The following DNAAF9 variants were observed in gnomAD, a reference collection of about 807,000 sequenced individuals.
DNAAF9 encodes shulin.
In DNAAF9, 90 loss-of-function variants were observed where a neutral mutation model predicts 167.0. The ratio of observed to expected loss-of-function variants is 0.54; its 90% CI spans 0.45 to 0.64. The LOEUF is 0.64. Ranked by LOEUF, DNAAF9 falls within the 30% of genes least tolerant of loss-of-function variation. The probability of loss-of-function intolerance (pLI) is 0.00; values close to 1 mark genes in which losing one functional copy is unlikely to be tolerated. For synonymous variants in DNAAF9, 491 were observed against 508.8 expected, an observed-to-expected ratio of 0.96 and a Z score of 0.47; for missense variants, 1,315 against 1,442.2, an observed-to-expected ratio of 0.91 and a Z score of 1.43.
chr20:3,315,413 G>C lies in DNAAF9; in HGVS notation c.1591-293C>G, dbSNP rs965939400. On this transcript the variant is annotated intron_variant, in intron 19 of 36. Coordinates refer to ENST00000252032, the MANE Select transcript of DNAAF9 (RefSeq NM_001009984.3). The surrounding 1 kb of genome is among the most constrained non-coding windows in gnomAD (Gnocchi z 4.1). ...ATTTATTTCCTTTGTGAAAACAGAG[G>C]CAGCTTCTCCTTGGCCTAAAGCCTT... Among the ~76,000 whole-genome samples, 1 of 152,224 alleles carries C rather than the reference G, an allele frequency of 6.6e-6. No individual in the cohort carries two copies. The highest frequency in any genetic ancestry group is 6.5e-5 in the Admixed American group (1 of 15,278).
Position 3,374,094 on chromosome 20 carries a change from G to A in DNAAF9, c.566C>T (p.Ala189Val). ...TCCATCCCCTCCAATGCCCTCAAGT[G>A]CAAAGGCCTGTACAATTGGCCATTT... ...VEKWPIVQAF[A>V]LEGIGGDGFF... Residue 189 changes from alanine to valine, a missense_variant, in exon 6 of 37, where the codon GCA (alanine) becomes GTA (valine). Physicochemically the swap from Ala to Val is moderately conservative, Grantham distance 64 (BLOSUM62 0). Transcript: ENST00000252032. 6.2e-7 allele frequency: 1 copy of A among 1,613,576 alleles called. No individual in the cohort carries two copies. The highest frequency in any genetic ancestry group is 8.5e-7 in the Non-Finnish European group (1 of 1,179,564).
rs149423025 is a variant in DNAAF9 at position 3,329,116 on chromosome 20, C to T, written c.1100+1530G>A. 9.0e-3 allele frequency among the ~76,000 whole-genome samples: 1,371 copies of T among 152,096 alleles called. 19 individuals are homozygous for T. Among genetic ancestry groups the T allele is most frequent in the African/African-American group, 0.032 (1,313 of 41,466 alleles). Reference sequence around the variant, plus strand: ...AACTCCTGACCTCATGTGATCCACCCGCCTTGGCCTCCCAAAGTGCTGGGA... The same window carrying T: ...AACTCCTGACCTCATGTGATCCACCTGCCTTGGCCTCCCAAAGTGCTGGGA... On this transcript the variant is annotated intron_variant, in intron 12 of 36. Transcript: ENST00000252032.
intron 10 of DNAAF9, among the ~76,000 whole-genome samples, chr20:3,333,947 C>T (rs1249738337): frequency 6.6e-6 from 1 of 152,106 alleles, no homozygotes; most frequent in African/African-American, 2.4e-5. Context: ...CTGTCTAAAC[C>T]TTGGTGTCAT....
rs764976305 is a variant in DNAAF9 at position 3,315,703 on chromosome 20, A to C, written c.1590+32T>G. On this transcript the variant is annotated intron_variant, in intron 19 of 36. Transcript: ENST00000252032. This position sits in a 1 kb window ranked among gnomAD's most constrained non-coding sequence, Gnocchi z 4.1. Reference sequence around the variant, plus strand: ...ATTGCTTACATTATTTTTTGATATAATGTTCACACTGAGAATAAGAAGGCT... The same window carrying C: ...ATTGCTTACATTATTTTTTGATATACTGTTCACACTGAGAATAAGAAGGCT... 16 of 1,550,280 alleles carry C rather than the reference A, an allele frequency of 1.0e-5. No homozygotes were observed. Among genetic ancestry groups the C allele is most frequent in the South Asian group, 5.6e-5 (5 of 89,876 alleles).
intron 6 of DNAAF9, among the ~76,000 whole-genome samples, chr20:3,364,828 C>A (rs2083408829): frequency 6.6e-6 from 1 of 152,144 alleles, no homozygotes; most frequent in African/African-American, 2.4e-5. Context: ...GCTGACTGAT[C>A]AGGGTGTTGG....
intron 29 of DNAAF9, among the ~76,000 whole-genome samples, chr20:3,278,640 AC>A (rs560093272): frequency 5.8e-4 from 89 of 152,180 alleles, no homozygotes; most frequent in African/African-American, 2.1e-3. Flanking sequence ...AATCAGTTGA[AC>A]CTGGGAGGCA....
rs2069479152 is a variant in DNAAF9, at chr20:3,315,064, A to C, written c.1647T>G (p.Tyr549Ter). Reference sequence around the variant, plus strand: ...CAGGCCAGGACTGTAGATTGCTGGAATAAAGATATGCTCCTTCTCCTCCTG... The same window carrying C: ...CAGGCCAGGACTGTAGATTGCTGGACTAAAGATATGCTCCTTCTCCTCCTG... ...YLTGGEGAYL[Y>*]SSNLQSWPEE... The change falls in exon 20 of 37, where the codon TAT becomes TAG. Residue 549 changes from tyrosine to a stop codon, truncating the protein, a stop_gained. Coordinates refer to ENST00000252032, the MANE Select transcript of DNAAF9 (RefSeq NM_001009984.3). LOFTEE classifies it high-confidence loss of function. This position sits in a 1 kb window ranked among gnomAD's most constrained non-coding sequence, Gnocchi z 4.1. 7 of 1,611,604 alleles carry C rather than the reference A, an allele frequency of 4.3e-6. No individual in the cohort carries two copies. The highest frequency in any genetic ancestry group is 5.9e-6 in the Non-Finnish European group (7 of 1,177,630).
intron 21 of DNAAF9, among the ~76,000 whole-genome samples, chr20:3,299,286 ATC>A (rs2069141519): frequency 1.3e-5 from 2 of 152,120 alleles, no homozygotes; most frequent in African/African-American, 4.8e-5. Context: ...GCACACGGAT[ATC>A]TAGTTTTCCC....
intron 34 of DNAAF9, among the ~76,000 whole-genome samples, chr20:3,255,681 T>C (rs1275818306): frequency 6.6e-6 from 1 of 152,192 alleles, no homozygotes. Context: ...CTAGTGAGCA[T>C]CTGCAGAAGA....
chr20:3,266,982 A>G (rs1260168157), intron 30 of DNAAF9, among the ~76,000 whole-genome samples: 1 of 151,672 alleles, frequency 6.6e-6, no homozygotes, highest in Non-Finnish European at 1.5e-5. Flanking sequence ...CCTCCTGAGT[A>G]ACTGGAATCA....
rs532920937 is a variant in DNAAF9, at chr20:3,313,466, A to G, written c.1678+1567T>C. On this transcript the variant is annotated intron_variant, in intron 20 of 36. Transcript: ENST00000252032. ...TTTCAACAAGAAGAACAAATCATCC[A>G]GAAAGGGGATTTGCTTAGTAGAGGT... 3.3e-5 allele frequency among the ~76,000 whole-genome samples: 5 copies of G among 152,346 alleles called. 1 individual carries two copies. The South Asian group carries it at 1.0e-3, about 32-fold the overall frequency.
At chr20:3,253,844 T>A (rs1384747002) in intron 35 of DNAAF9, 25 bp from the exon 36 acceptor site, 7 of 1,250,450 alleles carry the variant, frequency 5.6e-6, no homozygotes, top group East Asian at 2.3e-5. Flanking sequence ...AGACCTGTAA[T>A]AATTATCTGA....
At position 3,318,410 on chromosome 20, in the gene DNAAF9, A is replaced by G; in HGVS notation, c.1357-10T>C. 7.2e-7 allele frequency: 1 copy of G among 1,379,642 alleles called. No individual in the cohort carries two copies. 85.5% of individuals were successfully genotyped at this position (1,379,642 alleles called of 1,614,324 possible). A position where few individuals can be genotyped will look rare whatever the true frequency, so the allele number is the denominator to read the frequency against. On this transcript the variant is annotated splice_polypyrimidine_tract_variant and intron_variant, in intron 16 of 36. Coordinates refer to ENST00000252032, the MANE Select transcript of DNAAF9 (RefSeq NM_001009984.3). ...AGACGGCCATACAAGCCTGCATTGA[A>G]TGAGAAACCAGTTAGATCAGTTACC...
intron 30 of DNAAF9, among the ~76,000 whole-genome samples, chr20:3,265,258 C>T (rs991522327): frequency 1.4e-4 from 22 of 151,906 alleles, no homozygotes; most frequent in Admixed American, 9.2e-4. Context: ...GGAGGGTCCA[C>T]GATCCAATCA....
At chr20:3,265,490 C>A (rs1568565837) in intron 30 of DNAAF9, among the ~76,000 whole-genome samples, 1 of 146,862 alleles carries the variant, frequency 6.8e-6, no homozygotes, top group African/African-American at 2.6e-5. Context: ...TCACTTGAAC[C>A]CAGGAGGTGG....
In DNAAF9 at chr20:3,337,268, G is replaced by GTT. The variant is rs112275744; in HGVS notation, c.981+3234_981+3235dup. On this transcript the variant is annotated intron_variant, in intron 10 of 36. Coordinates refer to ENST00000252032, the MANE Select transcript of DNAAF9 (RefSeq NM_001009984.3). ...GTATTTGTAGTTGCTCACTGAAGTT[G>GTT]TTTTTTTTTTTTTGAGACGGAGTCT... 9.0e-3 allele frequency among the ~76,000 whole-genome samples: 1,180 copies of GTT among 131,462 alleles called. 11 individuals carry two copies. Among genetic ancestry groups the GTT allele is most frequent in the African/African-American group, 0.031 (1,130 of 36,040 alleles). 86.2% of individuals were successfully genotyped at this position (131,462 alleles called of 152,430 possible).
At chr20:3,383,046 C>G (rs2083682682) in intron 1 of DNAAF9, among the ~76,000 whole-genome samples, 1 of 152,046 alleles carries the variant, frequency 6.6e-6, no homozygotes, top group South Asian at 2.1e-4. Context: ...CTGTGTAGAC[C>G]TATTATTCCT....
chr20:3,379,967 G>A (rs1445304706), intron 3 of DNAAF9, among the ~76,000 whole-genome samples: 1 of 152,140 alleles, frequency 6.6e-6, no homozygotes, highest in Non-Finnish European at 1.5e-5. Context: ...CTGAGGCAGA[G>A]GAATCTCGAA....
At position 3,315,216 on chromosome 20, in the gene DNAAF9, G is replaced by A. The variant is rs17699037; in HGVS notation, c.1591-96C>T. ...TCAAAAGTCCTGCCCAATTATGTCC[G>A]TCTACAAAAGCTGAGTCAGGCTCAG... On this transcript the variant is annotated intron_variant, in intron 19 of 36. Transcript: ENST00000252032. This position sits in a 1 kb window ranked among gnomAD's most constrained non-coding sequence, Gnocchi z 4.1. 71,525 of 789,248 alleles carry A rather than the reference G, an allele frequency of 0.091. 4,089 individuals are homozygous for A. Among genetic ancestry groups the A allele is most frequent in the Non-Finnish European group, 0.12 (55,899 of 452,214 alleles). The allele number at this position is 789,248 out of a possible 1,614,324, so 48.9% of individuals were successfully genotyped here.
Sources: allele counts gnomAD v4.1 joint callset (sites outside exome capture counted in the v4.1 genomes callset), GRCh38; gene constraint gnomAD v4.1.1; non-coding constraint Gnocchi (gnomAD v3.1); transcripts MANE v1.5; gene names NCBI Gene and HGNC (gene_info 2026-07-23, HGNC 2026-07-21).